Variants in PKNOX2 observed in about 807,000 individuals in gnomAD.
The protein encoded by PKNOX2 is PBX/knotted 1 homeobox 2.
A neutral mutation model predicts 53.1 loss-of-function variants in PKNOX2; 14 were observed. The observed-to-expected ratio is 0.26, with a 90% CI of 0.17 to 0.41. The LOEUF (loss-of-function observed/expected upper bound fraction) is 0.41, where lower values mean the gene tolerates loss of function less well. Ranked by LOEUF, PKNOX2 falls within the 10% of genes least tolerant of loss-of-function variation. The pLI, the probability that PKNOX2 is intolerant of heterozygous loss-of-function variation, is 1.00. For synonymous variants in PKNOX2, 257 were observed against 242.8 expected (o/e 1.06, Z -0.54); for missense variants, 496 against 602.8 (o/e 0.82, Z 1.85).
At chr11:125,276,053 C>T (rs1413770897) in intron 2 of PKNOX2, among the ~76,000 whole-genome samples, 14 of 152,064 alleles carry the variant, frequency 9.2e-5, no homozygotes, top group African/African-American at 9.7e-5. Context: ...ACCAGAGGAG[C>T]GAAGTATCAG....
intron 2 of PKNOX2, among the ~76,000 whole-genome samples, chr11:125,292,490 G>C (rs551160235): frequency 6.6e-6 from 1 of 152,158 alleles, no homozygotes; most frequent in East Asian, 1.9e-4. Flanking sequence ...TCCAGGTTCG[G>C]GGAATTCTTT....
chr11:125,402,280 C>T (rs1954799582), intron 7 of PKNOX2, among the ~76,000 whole-genome samples: 1 of 152,090 alleles, frequency 6.6e-6, no homozygotes, highest in Admixed American at 6.5e-5. Context: ...CCCAGGCTTC[C>T]TACTCCTCAG....
intron 10 of PKNOX2, among the ~76,000 whole-genome samples, chr11:125,428,402 A>C (rs34632138): frequency 0.34 from 51,486 of 151,950 alleles, 9,369 homozygotes; most frequent in South Asian, 0.49. Flanking sequence ...ACAATACCTA[A>C]CCTGCCTGCC....
In PKNOX2 at chr11:125,352,851, G is replaced by A. The variant is rs1401824904; in HGVS notation, c.87+1459G>A. On this transcript the variant is annotated intron_variant, in intron 4 of 12. Transcript: ENST00000298282. The surrounding 1 kb of genome is among the most constrained non-coding windows in gnomAD (Gnocchi z 4.1). Reference sequence around the variant, plus strand: ...ATTAATAAGCCACAGGGTTGAACTTGGCCTTTACATGGCTCTTGTATTTGA... The same window carrying A: ...ATTAATAAGCCACAGGGTTGAACTTAGCCTTTACATGGCTCTTGTATTTGA... 6.6e-6 allele frequency among the ~76,000 whole-genome samples: 1 copy of A among 152,130 alleles called. No homozygotes were observed. Among genetic ancestry groups the A allele is most frequent in the African/African-American group, 2.4e-5 (1 of 41,416 alleles).
intron 10 of PKNOX2, among the ~76,000 whole-genome samples, chr11:125,420,803 T>G (rs905242339): frequency 6.6e-6 from 1 of 152,060 alleles, no homozygotes; most frequent in Non-Finnish European, 1.5e-5. Context: ...ACCCAGGGGC[T>G]TCTGAGAAAA....
At chr11:125,206,041 C>T (rs1024623960) in intron 1 of PKNOX2, among the ~76,000 whole-genome samples, 5 of 151,826 alleles carry the variant, frequency 3.3e-5, no homozygotes, top group Admixed American at 3.3e-4. Flanking sequence ...CTGAAATGAC[C>T]GGGGCCTTGG....
rs1322471515 is a variant in PKNOX2, at chr11:125,368,142, AC to A, written c.227+161del. On this transcript the variant is annotated intron_variant, in intron 5 of 12. Coordinates refer to ENST00000298282, the MANE Select transcript of PKNOX2 (RefSeq NM_001382323.2). ...CCTTCCCTCTCTACTCAATCCAGAA[AC>A]CCCTCAGCTGTCCACAGTGACTCTA... 3.3e-5 allele frequency among the ~76,000 whole-genome samples: 5 copies of A among 151,984 alleles called. No individual in the cohort carries two copies. In the South Asian group the frequency reaches 1.0e-3, roughly 32 times the overall value.
chr11:125,354,665 C>T (rs547176084), intron 4 of PKNOX2, among the ~76,000 whole-genome samples: 20 of 152,244 alleles, frequency 1.3e-4, no homozygotes, highest in Admixed American at 1.1e-3. Context: ...TCCCAAGCCC[C>T]GGACCTTCTT....
At chr11:125,368,819 G>A (rs1322126565) in intron 5 of PKNOX2, among the ~76,000 whole-genome samples, 1 of 152,202 alleles carries the variant, frequency 6.6e-6, no homozygotes, top group Non-Finnish European at 1.5e-5. Flanking sequence ...AGGCCTGAAT[G>A]AGGCTCCTAC....
chr11:125,303,294 C>T (rs762580724), intron 2 of PKNOX2, among the ~76,000 whole-genome samples: 3 of 152,232 alleles, frequency 2.0e-5, no homozygotes, highest in Non-Finnish European at 4.4e-5. Flanking sequence ...GCAAGTGTTA[C>T]GTCACCCTCA....
At chr11:125,215,066 TG>T (rs1940327595) in intron 1 of PKNOX2, among the ~76,000 whole-genome samples, 1 of 151,936 alleles carries the variant, frequency 6.6e-6, no homozygotes, top group African/African-American at 2.4e-5. Flanking sequence ...AACAAACTTT[TG>T]TTGGAAGCTT....
rs542594440 is a variant in PKNOX2 at position 125,185,529 on chromosome 11, T to C, written c.-201+20753T>C. ...TAAGCAATAACTCTGCATTCTGCCCTGGTAACCTCTCATCCACTTTCTATC... is the reference window on the plus strand; with the variant it reads ...TAAGCAATAACTCTGCATTCTGCCCCGGTAACCTCTCATCCACTTTCTATC... On this transcript the variant is annotated intron_variant, in intron 1 of 12. Transcript: ENST00000298282. Among the ~76,000 whole-genome samples the C allele has an allele frequency of 1.2e-4, 18 of 152,238 alleles. No homozygotes were observed. In the East Asian group the frequency reaches 2.7e-3, roughly 23 times the overall value.
intron 2 of PKNOX2, among the ~76,000 whole-genome samples, chr11:125,249,480 G>A (rs1265098632): frequency 6.6e-6 from 1 of 152,160 alleles, no homozygotes; most frequent in African/African-American, 2.4e-5. Flanking sequence ...CACTGAGCAT[G>A]TGCAGACTTT....
rs1565462217 is a variant in PKNOX2 at position 125,178,549 on chromosome 11, AGAAGGAAGGAAGGAAC to A, written c.-201+13789_-201+13804del. 4.8e-4 allele frequency among the ~76,000 whole-genome samples: 61 copies of A among 128,160 alleles called. 3 individuals carry two copies. Among genetic ancestry groups the A allele is most frequent in the African/African-American group, 1.8e-3 (47 of 26,610 alleles). The allele number at this position is 128,160 out of a possible 152,430, so 84.1% of individuals were successfully genotyped here. A position where few individuals can be genotyped will look rare whatever the true frequency, so the allele number is the denominator to read the frequency against. On this transcript the variant is annotated intron_variant, in intron 1 of 12. Coordinates refer to ENST00000298282, the MANE Select transcript of PKNOX2 (RefSeq NM_001382323.2). ...AAGAAAGAAAGAAAGGGAGAGAGAG[AGAAGGAAGGAAGGAAC>A]GAAGGAAGGAAGGAAGGAAGGAAGG...
chr11:125,366,974 A>G (rs990821399), intron 4 of PKNOX2, among the ~76,000 whole-genome samples: 4 of 152,316 alleles, frequency 2.6e-5, no homozygotes, highest in South Asian at 2.1e-4. Flanking sequence ...CCAACACCAC[A>G]TGTGGGGAGA....
chr11:125,277,080 GCTA>G (rs1331992766), intron 2 of PKNOX2, among the ~76,000 whole-genome samples: 2 of 152,192 alleles, frequency 1.3e-5, no homozygotes, highest in East Asian at 3.9e-4. Flanking sequence ...TTGGAGAATT[GCTA>G]GAGTAAGTAG....
chr11:125,320,382 C>T (rs1230523394), intron 2 of PKNOX2, among the ~76,000 whole-genome samples: 2 of 152,044 alleles, frequency 1.3e-5, no homozygotes, highest in South Asian at 2.1e-4. Context: ...ACCCTAGGAT[C>T]GGTGAGACCA....
intron 10 of PKNOX2, among the ~76,000 whole-genome samples, chr11:125,428,577 T>C (rs1158239887): frequency 3.3e-5 from 5 of 152,162 alleles, no homozygotes; most frequent in Non-Finnish European, 7.4e-5. Flanking sequence ...ATTCAGTAAA[T>C]AGCAGTTAAC....
At chr11:125,342,755 A>G (rs1950760774) in intron 3 of PKNOX2, among the ~76,000 whole-genome samples, 1 of 151,698 alleles carries the variant, frequency 6.6e-6, no homozygotes, top group African/African-American at 2.4e-5. Context: ...ACGAGAGAGC[A>G]CATGATAGTG....
Sources: allele counts gnomAD v4.1 joint callset (sites outside exome capture counted in the v4.1 genomes callset), GRCh38; gene constraint gnomAD v4.1.1; non-coding constraint Gnocchi (gnomAD v3.1); transcripts MANE v1.5; gene names NCBI Gene and HGNC (gene_info 2026-07-23, HGNC 2026-07-21).